SYNPR: variants seen among roughly 807,000 people sequenced by gnomAD.
SYNPR encodes the protein synaptoporin.
Under a neutral mutation model 32.9 loss-of-function variants are expected in SYNPR, and 23 were observed. The ratio of observed to expected loss-of-function variants is 0.70; its 90% CI spans 0.50 to 0.99. The LOEUF (loss-of-function observed/expected upper bound fraction) is 0.99, where lower values mean the gene tolerates loss of function less well. Ranked by LOEUF, SYNPR falls within the 50% of genes least tolerant of loss-of-function variation. The pLI is 0.00. For synonymous variants in SYNPR, 146 were observed against 135.9 expected (o/e 1.07, Z -0.52); for missense variants, 318 against 349.3 (o/e 0.91, Z 0.71).
At chr3:63,432,585 T>C (rs957771197) in intron 2 of SYNPR, among the ~76,000 whole-genome samples, 22 of 152,226 alleles carry the variant, frequency 1.4e-4, no homozygotes, top group African/African-American at 5.1e-4. Context: ...ATTGCTCTTA[T>C]TGTTTTTAGA....
At chr3:63,421,483 A>C (rs533275390) in intron 2 of SYNPR, among the ~76,000 whole-genome samples, 2 of 151,580 alleles carry the variant, frequency 1.3e-5, no homozygotes, top group African/African-American at 4.8e-5. Context: ...GAGAAAATTC[A>C]GACTAAATAT....
chr3:63,236,841 A>G (rs2086204059), intron 1 of SYNPR, among the ~76,000 whole-genome samples: 1 of 152,072 alleles, frequency 6.6e-6, no homozygotes, highest in Admixed American at 6.6e-5. Context: ...TCCAATCTGT[A>G]TGCCTTTCAT....
intron 2 of SYNPR, among the ~76,000 whole-genome samples, chr3:63,303,706 T>G (rs896553984): frequency 1.3e-5 from 2 of 151,998 alleles, no homozygotes; most frequent in East Asian, 3.9e-4. Flanking sequence ...ACTATGAAAT[T>G]TAAACGTGTG....
chr3:63,558,401 G>A (rs1050352234), intron 4 of SYNPR, among the ~76,000 whole-genome samples: 11 of 152,010 alleles, frequency 7.2e-5, no homozygotes, highest in East Asian at 3.9e-4. Flanking sequence ...ATGCAGTGGC[G>A]TAATCACAGC....
chr3:63,223,484 T>G (rs1043352043), upstream of SYNPR, among the ~76,000 whole-genome samples: 4 of 151,980 alleles, frequency 2.6e-5, no homozygotes, highest in Non-Finnish European at 5.9e-5. Flanking sequence ...TGGTACCAGC[T>G]GAGACATCTC....
chr3:63,257,015 G>C (rs144032932), intron 2 of SYNPR, among the ~76,000 whole-genome samples: 1 of 152,102 alleles, frequency 6.6e-6, no homozygotes, highest in Non-Finnish European at 1.5e-5. Context: ...GAAAACTTTA[G>C]AGAAAAAAGA....
chr3:63,444,191 A>G (rs1700232183), intron 2 of SYNPR: 1 of 152,194 alleles, frequency 6.6e-6, no homozygotes, highest in African/African-American at 2.4e-5. Context: ...AATCAGGAGA[A>G]AAGTTGCTGT....
intron 4 of SYNPR, among the ~76,000 whole-genome samples, chr3:63,588,248 G>C (rs1321014445): frequency 6.6e-5 from 10 of 151,984 alleles, no homozygotes; most frequent in Non-Finnish European, 1.3e-4. Flanking sequence ...AATTGTGAGG[G>C]GGTAGTTTTG....
Position 63,609,174 on chromosome 3 carries a change from C to A in SYNPR, c.458C>A (p.Ser153Ter). The change falls in exon 5 of 6, where the codon TCA becomes TAA. Residue 153 changes from serine (S) to a stop codon, truncating the protein, a stop_gained. Transcript: ENST00000478300. LOFTEE classifies it high-confidence loss of function. ...VFSFLWLVGS[S>*]AWAKGLSDVK... The stretch of plus-strand genomic sequence containing the variant: ...TCGTTCTTGTGGTTGGTGGGTTCAT[C>A]AGCTTGGGCAAAAGGACTGTCTGAC... The A allele has an allele frequency of 6.2e-7, 1 of 1,611,432 alleles. No homozygotes were observed.
chr3:63,460,449 A>G (rs954826502), intron 2 of SYNPR, among the ~76,000 whole-genome samples: 20 of 152,016 alleles, frequency 1.3e-4, no homozygotes, highest in African/African-American at 4.6e-4. Flanking sequence ...TCCTCCATCA[A>G]ACTATAACCT....
intron 3 of SYNPR, among the ~76,000 whole-genome samples, chr3:63,524,102 C>G (rs1347480712): frequency 6.6e-6 from 1 of 151,636 alleles, no homozygotes; most frequent in African/African-American, 2.4e-5. Flanking sequence ...AAATGACTCA[C>G]TTTCTAAGTT....
chr3:63,334,701 T>C (rs917364644), intron 2 of SYNPR, among the ~76,000 whole-genome samples: 6 of 152,218 alleles, frequency 3.9e-5, no homozygotes, highest in African/African-American at 9.6e-5. Context: ...CTTGGGTACA[T>C]TGGCGATTGA....
At chr3:63,451,028 AG>A (rs943162336) in intron 2 of SYNPR, among the ~76,000 whole-genome samples, 5 of 148,288 alleles carry the variant, frequency 3.4e-5, no homozygotes, top group African/African-American at 1.3e-4. Flanking sequence ...TCTGCGATAT[AG>A]GGGTATGTAT....
At chr3:63,589,003 A>C (rs1283232221) in intron 4 of SYNPR, among the ~76,000 whole-genome samples, 2 of 152,100 alleles carry the variant, frequency 1.3e-5, no homozygotes, top group Non-Finnish European at 2.9e-5. Context: ...TAGCCCAAGG[A>C]GTCTTTGGTC....
At chr3:63,261,711 T>TATAATAATAATAATAATA (rs60616720) in intron 2 of SYNPR, among the ~76,000 whole-genome samples, 126 of 145,624 alleles carry the variant, frequency 8.7e-4, no homozygotes, top group East Asian at 3.3e-3. Context: ...AAACTTAAAG[T>TATAATAATAATAATAATA]ATAATAATAA....
intron 2 of SYNPR, among the ~76,000 whole-genome samples, chr3:63,259,409 C>G (rs9713939): frequency 0.21 from 31,628 of 152,080 alleles, 3,650 homozygotes; most frequent in African/African-American, 0.27. Flanking sequence ...GGATGCAAGG[C>G]TGGCTCAACA....
chr3:63,507,350 C>T (rs1701609176), intron 3 of SYNPR, among the ~76,000 whole-genome samples: 1 of 149,846 alleles, frequency 6.7e-6, no homozygotes, highest in Admixed American at 6.6e-5. Context: ...CTTTTTGTCA[C>T]AAGTGCATAA....
chr3:63,349,112 T>TG (rs1451424279), intron 2 of SYNPR, among the ~76,000 whole-genome samples: 1 of 152,100 alleles, frequency 6.6e-6, no homozygotes, highest in African/African-American at 2.4e-5. Flanking sequence ...ACATTAATTT[T>TG]TTTTTTTTGA....
intron 3 of SYNPR, among the ~76,000 whole-genome samples, chr3:63,541,639 A>C (rs1297649625): frequency 6.6e-6 from 1 of 152,034 alleles, no homozygotes; most frequent in East Asian, 1.9e-4. Flanking sequence ...TTATAAAATT[A>C]TTTCCCTTCC....
Sources: allele counts gnomAD v4.1 joint callset (sites outside exome capture counted in the v4.1 genomes callset), GRCh38; gene constraint gnomAD v4.1.1; transcripts MANE v1.5; gene names NCBI Gene and HGNC (gene_info 2026-07-23, HGNC 2026-07-21).